Variants in TTLL12 observed in about 807,000 individuals in gnomAD.
TTLL12 encodes tubulin tyrosine ligase like 12, also known as tubulin--tyrosine ligase-like protein 12.
TTLL12 carries 77 observed loss-of-function variants against 79.6 expected under a neutral mutation model. The ratio of observed to expected loss-of-function variants is 0.97; its 90% confidence interval spans 0.81 to 1.17. The LOEUF (loss-of-function observed/expected upper bound fraction) is 1.17. Ranked by LOEUF, TTLL12 falls within the 50% of genes most tolerant of loss-of-function variation. TTLL12 has a pLI of 0.00. For synonymous variants in TTLL12, 437 were observed against 376.1 expected (o/e 1.16, Z -1.87); for missense variants, 969 against 895.9 (o/e 1.08, Z -1.04).
intron 3 of TTLL12, among the ~76,000 whole-genome samples, chr22:43,180,232 C>T (rs962471185): frequency 2.6e-4 from 39 of 152,116 alleles, no homozygotes; most frequent in African/African-American, 8.7e-4. Context: ...GGTAAAAGGG[C>T]GTTTGGTAAC....
chr22:43,184,422 CT>C (rs1385454481), intron 1 of TTLL12, among the ~76,000 whole-genome samples: 5 of 152,200 alleles, frequency 3.3e-5, no homozygotes, highest in African/African-American at 1.2e-4. Context: ...CCTGGGAAGA[CT>C]TTATGGATGA....
chr22:43,172,809 T>C (rs560805837), intron 9 of TTLL12, among the ~76,000 whole-genome samples: 3 of 151,958 alleles, frequency 2.0e-5, no homozygotes, highest in Admixed American at 2.0e-4. Flanking sequence ...GCGATTCTCC[T>C]GCCTCAGCCT....
Position 43,186,952 on chromosome 22 carries a change from G to T in TTLL12, c.118C>A (p.Arg40Ser). 1 of 1,348,566 alleles carries T rather than the reference G, an allele frequency of 7.4e-7. No homozygotes were observed. The highest frequency in any genetic ancestry group is 9.6e-7 in the Non-Finnish European group (1 of 1,046,390). 83.5% of individuals were successfully genotyped at this position (1,348,566 alleles called of 1,614,324 possible). A position where few individuals can be genotyped will look rare whatever the true frequency, so the allele number is the denominator to read the frequency against. The change falls in exon 1 of 14, where the codon CGC (arginine) becomes AGC (serine). Residue 40 changes from arginine to serine, a missense_variant. Coordinates refer to ENST00000216129, the MANE Select transcript of TTLL12 (RefSeq NM_015140.4). ...EFAALHGPAL[R>S]ASGVPERYWG... is the part of the protein sequence containing the mutation. ...TAACGTTCGGGGACCCCCGAAGCGC[G>T]CAGCGCCGGGCCGTGCAGCGCCGCG...
chr22:43,169,958 A>G (rs565154652), intron 11 of TTLL12: 1 of 444,728 alleles, frequency 2.2e-6, no homozygotes, highest in East Asian at 6.9e-5. Flanking sequence ...AAGGAGGCAG[A>G]GCTCAAGACT....
At chr22:43,174,087 C>T (rs1484258660) in intron 8 of TTLL12, 122 bp downstream of exon 8, 3 of 1,334,422 alleles carry the variant, frequency 2.2e-6, no homozygotes, top group South Asian at 1.4e-5. Flanking sequence ...ACGTTCGGGG[C>T]CCACAGCTCG....
At chr22:43,178,042 A>C (rs971750621) in intron 5 of TTLL12, among the ~76,000 whole-genome samples, 1 of 152,202 alleles carries the variant, frequency 6.6e-6, no homozygotes, top group Non-Finnish European at 1.5e-5. Context: ...TCCATTAACA[A>C]ACAAACCCGA....
chr22:43,185,418 G>A (rs1381574799), intron 1 of TTLL12, among the ~76,000 whole-genome samples: 2 of 150,642 alleles, frequency 1.3e-5, no homozygotes, highest in African/African-American at 4.9e-5. Flanking sequence ...TGCTGCTGGC[G>A]GCCTCCTCCA....
At chr22:43,170,774 G>T (rs905410662) in intron 11 of TTLL12, among the ~76,000 whole-genome samples, 3 of 152,108 alleles carry the variant, frequency 2.0e-5, no homozygotes, top group Non-Finnish European at 2.9e-5. Context: ...TTAGCCGGGC[G>T]TGGAGGCACG....
intron 11 of TTLL12, among the ~76,000 whole-genome samples, chr22:43,171,409 C>G (rs1403841692): frequency 6.6e-6 from 1 of 152,226 alleles, no homozygotes; most frequent in African/African-American, 2.4e-5. Flanking sequence ...TAGACCCGGG[C>G]AGGGTCACGG....
chr22:43,176,351 G>C lies in TTLL12; in HGVS notation c.886C>G (p.Pro296Ala), dbSNP rs773877585. The C allele has an allele frequency of 1.2e-6, 2 of 1,604,634 alleles. No homozygotes were observed. Among genetic ancestry groups the C allele is most frequent in the Admixed American group, 3.5e-5 (2 of 57,892 alleles). The change falls in exon 6 of 14, where the codon CCC becomes GCC. Residue 296 changes from proline (P) to alanine (A), a missense_variant. Pro to Ala is a conservative substitution (Grantham distance 27). Transcript: ENST00000216129. ...NKEKLPLDIN[P>A]VVHPHGHIFK... ...ATGTGGCCGTGGGGGTGCACCACGG[G>C]GTTGATGTCAAGTGGCAGCTTCTCC...
intron 10 of TTLL12, 94 bp from the exon 11 acceptor site, chr22:43,171,994 C>A: frequency 9.6e-7 from 1 of 1,046,082 alleles, no homozygotes; most frequent in South Asian, 1.4e-5. Flanking sequence ...ACTAGGGGTT[C>A]AGGGCTCAGG....
At chr22:43,176,135 G>A (rs975093326) in intron 6 of TTLL12, among the ~76,000 whole-genome samples, 185 bp downstream of exon 6, 1 of 151,978 alleles carries the variant, frequency 6.6e-6, no homozygotes, top group Non-Finnish European at 1.5e-5. Flanking sequence ...ACTTTCTGCG[G>A]CATTTTCTCT....
rs369867056 is a variant in TTLL12 at position 43,168,002 on chromosome 22, G to A, written c.*6C>T. 3.3e-5 allele frequency: 54 copies of A among 1,612,934 alleles called. No homozygotes were observed. The highest frequency in any genetic ancestry group is 1.3e-4 in the African/African-American group (10 of 74,912). ...CCCAAGCACAGGTTTTGGGGACAGC[G>A]AGTGCCTAGACAAGGCAGGTAACGT... On this transcript the variant is annotated 3_prime_UTR_variant, in exon 14 of 14. Coordinates refer to ENST00000216129, the MANE Select transcript of TTLL12 (RefSeq NM_015140.4).
intron 6 of TTLL12, among the ~76,000 whole-genome samples, 162 bp from the exon 7 acceptor site, chr22:43,174,777 C>A (rs1261359791): frequency 6.6e-6 from 1 of 152,202 alleles, no homozygotes; most frequent in Non-Finnish European, 1.5e-5. Flanking sequence ...GGTTCAGACC[C>A]CGCTCCCTCC....
intron 10 of TTLL12, 50 bp from the exon 11 acceptor site, chr22:43,171,950 C>G: frequency 6.5e-7 from 1 of 1,541,370 alleles, no homozygotes; most frequent in Non-Finnish European, 8.9e-7. Context: ...GGCCTTGTCC[C>G]TGCGAGGGAG....
Position 43,168,778 on chromosome 22 carries a change from T to C in TTLL12, c.1779A>G (p.Pro593=), listed in dbSNP as rs1186708301. Residue 593 remains proline, a synonymous_variant, in exon 13 of 14, where the codon CCA becomes CCG. Coordinates refer to ENST00000216129, the MANE Select transcript of TTLL12 (RefSeq NM_015140.4). ...VDLMLKWDNG[P]DGRRVMQPQI... is the part of the protein sequence containing the mutation. ...GAGATGGGGAGCCCCTCTTACCATC[T>C]GGGCCGTTGTCCCACTTCAGCATGA... 3.2e-6 allele frequency: 5 copies of C among 1,557,226 alleles called. No individual in the cohort carries two copies. Among genetic ancestry groups the C allele is most frequent in the African/African-American group, 1.4e-5 (1 of 73,418 alleles).
chr22:43,176,979 A>AG (rs1339447213), intron 5 of TTLL12, among the ~76,000 whole-genome samples: 2 of 152,168 alleles, frequency 1.3e-5, no homozygotes, highest in Non-Finnish European at 2.9e-5. Context: ...TCAAAATCGC[A>AG]GGGGGCGAGA....
chr22:43,175,991 T>C (rs1321468410), intron 6 of TTLL12, among the ~76,000 whole-genome samples: 2 of 151,184 alleles, frequency 1.3e-5, no homozygotes, highest in East Asian at 2.0e-4. Context: ...CCTGGCCTCA[T>C]AGGTGAGGTG....
Position 43,186,934 on chromosome 22 carries a change from CG to C in TTLL12, c.135del (p.Glu46AsnfsTer30). On this transcript the variant is annotated frameshift_variant, in exon 1 of 14. Coordinates refer to ENST00000216129, the MANE Select transcript of TTLL12 (RefSeq NM_015140.4). LOFTEE classifies it high-confidence loss of function. ...TGCAGGAGGCGGCCCCAGTAACGTT[CG>C]GGGACCCCCGAAGCGCGCAGCGCCG... is the stretch of plus-strand genomic sequence containing the variant. ...HGPALRASGVPERYWGRLLHK... is the reference protein window; with the variant it reads ...HGPALRASGVXERYWGRLLHK... The C allele has an allele frequency of 7.3e-7, 1 of 1,363,798 alleles. No homozygotes were observed. The highest frequency in any genetic ancestry group is 1.5e-5 in the African/African-American group (1 of 65,264). The allele number at this position is 1,363,798 out of a possible 1,614,324, so 84.5% of individuals were successfully genotyped here. A position where few individuals can be genotyped will look rare whatever the true frequency, so the allele number is the denominator to read the frequency against.
Sources: gnomAD v4.1 joint callset for allele counts (sites outside exome capture counted in the v4.1 genomes callset) on GRCh38, gnomAD v4.1.1 for gene constraint, MANE v1.5 for transcripts, NCBI Gene and HGNC (gene_info 2026-07-23, HGNC 2026-07-21) for gene names.